COX7B2: variants seen among roughly 807,000 people sequenced by gnomAD.
COX7B2 encodes the protein cytochrome c oxidase subunit 7B2.
For synonymous variants in COX7B2, 37 were observed against 32.1 expected, an observed-to-expected ratio of 1.15 and a Z score of -0.51; for missense variants, 109 against 95.9, an observed-to-expected ratio of 1.14 and a Z score of -0.57.
intron 2 of COX7B2, among the ~76,000 whole-genome samples, chr4:46,780,643 A>T (rs1210850434): frequency 6.6e-6 from 1 of 152,236 alleles, no homozygotes; most frequent in Admixed American, 6.5e-5. Context: ...AAATGATTGG[A>T]TATGTGATTA....
chr4:46,795,005 A>G (rs10030045), intron 2 of COX7B2, among the ~76,000 whole-genome samples: 45,869 of 142,486 alleles, frequency 0.32, 7,646 homozygotes, highest in South Asian at 0.48. Context: ...TTCTTTTGAG[A>G]AGTGTCTGTT....
At chr4:46,877,196 A>C (rs1718396969) in intron 1 of COX7B2, among the ~76,000 whole-genome samples, 1 of 152,202 alleles carries the variant, frequency 6.6e-6, no homozygotes, top group Admixed American at 6.5e-5. Context: ...GTGGGAGATG[A>C]GTATATGGAA....
intron 2 of COX7B2, among the ~76,000 whole-genome samples, chr4:46,822,928 T>G (rs1714407106): frequency 6.6e-6 from 1 of 152,192 alleles, no homozygotes; most frequent in African/African-American, 2.4e-5. Flanking sequence ...AACAATTTTC[T>G]TAAGCCCATT....
intron 1 of COX7B2, among the ~76,000 whole-genome samples, chr4:46,867,693 T>C (rs1255619547): frequency 6.6e-6 from 1 of 152,240 alleles, no homozygotes; most frequent in Non-Finnish European, 1.5e-5. Flanking sequence ...AACCTGCTTA[T>C]GCTGAACCAA....
chr4:46,765,409 G>A (rs1378996656), intron 2 of COX7B2, among the ~76,000 whole-genome samples: 3 of 152,220 alleles, frequency 2.0e-5, no homozygotes, highest in South Asian at 2.1e-4. Flanking sequence ...TAGACCAGCC[G>A]CAGGCACCAG....
chr4:46,785,883 G>A (rs184215420), intron 2 of COX7B2, among the ~76,000 whole-genome samples: 563 of 152,022 alleles, frequency 3.7e-3, no homozygotes, highest in African/African-American at 0.013. Context: ...GGGAAAAAAA[G>A]GGGAAATAAA....
chr4:46,866,638 T>G (rs1717686420), intron 1 of COX7B2, among the ~76,000 whole-genome samples: 1 of 152,130 alleles, frequency 6.6e-6, no homozygotes, highest in African/African-American at 2.4e-5. Flanking sequence ...CTAGTGGCTT[T>G]GCCTACCTGA....
chr4:46,752,641 T>G (rs964492958), intron 2 of COX7B2, among the ~76,000 whole-genome samples: 3 of 152,296 alleles, frequency 2.0e-5, no homozygotes, highest in South Asian at 2.1e-4. Flanking sequence ...GCTGTTGAAT[T>G]TTGTCAAAAG....
At chr4:46,841,533 CATA>C (rs1391725160) in intron 2 of COX7B2, among the ~76,000 whole-genome samples, 4 of 151,866 alleles carry the variant, frequency 2.6e-5, no homozygotes, top group African/African-American at 9.7e-5. Flanking sequence ...CTTAGTAAGA[CATA>C]ATAATATGAA....
At chr4:46,783,664 G>A (rs1228444196) in intron 2 of COX7B2, among the ~76,000 whole-genome samples, 2 of 152,058 alleles carry the variant, frequency 1.3e-5, no homozygotes, top group African/African-American at 4.8e-5. Flanking sequence ...ACACATGCTA[G>A]GCCCATTCCC....
At position 46,735,134 on chromosome 4, in the gene COX7B2, T is replaced by G; in HGVS notation, c.59A>C (p.Gln20Pro). The G allele has an allele frequency of 6.2e-7, 1 of 1,613,674 alleles. No individual in the cohort carries two copies. Among genetic ancestry groups the G allele is most frequent in the Non-Finnish European group, 8.5e-7 (1 of 1,179,822 alleles). ...TACATGGCTATGTCTTGCCATGCTT[T>G]GCAGAATGCTTTGAATCTTGAGACT... is the stretch of plus-strand genomic sequence containing the variant. ...LSSLKIQSIL[Q>P]SMARHSHVKH... Residue 20 changes from glutamine (Q) to proline (P), a missense_variant, in exon 3 of 3, where the codon CAA (glutamine) becomes CCA (proline). Transcript: ENST00000355591.
intron 2 of COX7B2, among the ~76,000 whole-genome samples, chr4:46,797,603 A>T (rs891298419): frequency 6.6e-6 from 1 of 152,158 alleles, no homozygotes; most frequent in African/African-American, 2.4e-5. Flanking sequence ...ACCAAAAGCG[A>T]CACCACTTTC....
Position 46,884,787 on chromosome 4 carries a change from C to T in COX7B2, c.-105+24373G>A, listed in dbSNP as rs189963737. ...TGGCTTAGCAGCCTCAACCCTTCTT[C>T]ACATCTCCTTCTGTCAAATTACTTT... On this transcript the variant is annotated intron_variant, in intron 1 of 2. Transcript: ENST00000355591. 6.5e-3 allele frequency among the ~76,000 whole-genome samples: 986 copies of T among 152,240 alleles called. 4 individuals are homozygous for T. Among genetic ancestry groups the T allele is most frequent in the Non-Finnish European group, 0.011 (736 of 68,016 alleles).
chr4:46,818,905 C>A (rs541705396), intron 2 of COX7B2, among the ~76,000 whole-genome samples: 1 of 152,124 alleles, frequency 6.6e-6, no homozygotes, highest in African/African-American at 2.4e-5. Flanking sequence ...TGGCTGTTTT[C>A]CCCCCAACAC....
At position 46,797,092 on chromosome 4, in the gene COX7B2, T is replaced by TAAAA. The variant is rs762801656; in HGVS notation, c.-50+47864_-50+47867dup. On this transcript the variant is annotated intron_variant, in intron 2 of 2. Coordinates refer to ENST00000355591, the MANE Select transcript of COX7B2 (RefSeq NM_130902.3). ...ATGTACCCTAAAACTTAGAGTATAA[T>TAAAA]AAAAAAAAAAAAAAAAAAAAAAAAA... Among the ~76,000 whole-genome samples, 94 of 62,526 alleles carry TAAAA rather than the reference T, an allele frequency of 1.5e-3. 2 individuals are homozygous for TAAAA. The highest frequency in any genetic ancestry group is 4.4e-3 in the African/African-American group (49 of 11,084). 41.0% of individuals were successfully genotyped at this position (62,526 alleles called of 152,430 possible).
intron 2 of COX7B2, among the ~76,000 whole-genome samples, chr4:46,819,071 TTTGCCG>T (rs1212615680): frequency 1.3e-5 from 2 of 152,218 alleles, no homozygotes; most frequent in African/African-American, 2.4e-5. Context: ...CACCTCGAAT[TTTGCCG>T]TTTTTAAAAC....
At chr4:46,741,909 A>G (rs1021030617) in intron 2 of COX7B2, among the ~76,000 whole-genome samples, 2 of 152,124 alleles carry the variant, frequency 1.3e-5, no homozygotes, top group Non-Finnish European at 2.9e-5. Context: ...ATCATCAGAA[A>G]TATTTATGGA....
intron 2 of COX7B2, among the ~76,000 whole-genome samples, chr4:46,826,589 A>G (rs895989053): frequency 6.6e-6 from 1 of 152,182 alleles, no homozygotes; most frequent in African/African-American, 2.4e-5. Context: ...TATGCACAAC[A>G]GCAAAGACAT....
chr4:46,831,955 G>A (rs184703820), intron 2 of COX7B2, among the ~76,000 whole-genome samples: 326 of 152,188 alleles, frequency 2.1e-3, no homozygotes, highest in African/African-American at 7.3e-3. Context: ...GTGGTGAGGT[G>A]GAGAACTTTT....
Sources: gnomAD v4.1 joint callset for allele counts (sites outside exome capture counted in the v4.1 genomes callset) on GRCh38, gnomAD v4.1.1 for gene constraint, MANE v1.5 for transcripts, NCBI Gene and HGNC (gene_info 2026-07-23, HGNC 2026-07-21) for gene names.